The following LRMDA variants were observed in gnomAD, a reference collection of about 807,000 sequenced individuals.
LRMDA encodes leucine rich melanocyte differentiation associated, also known as leucine-rich melanocyte differentiation-associated protein.
Under a neutral mutation model 29.8 loss-of-function variants are expected in LRMDA, and 18 were observed. The observed-to-expected ratio is 0.60, with a 90% CI of 0.42 to 0.90. The LOEUF (loss-of-function observed/expected upper bound fraction) is 0.90. Ranked by LOEUF, LRMDA falls within the 40% of genes least tolerant of loss-of-function variation. The pLI is 0.00. For synonymous variants in LRMDA, 125 were observed against 109.4 expected (o/e 1.14, Z -0.89); for missense variants, 273 against 273.9 (o/e 1.00, Z 0.02).
intron 6 of LRMDA, among the ~76,000 whole-genome samples, chr10:76,549,748 C>T (rs1322406003): frequency 6.6e-6 from 1 of 152,118 alleles, no homozygotes; most frequent in Non-Finnish European, 1.5e-5. Context: ...AGCAACTAAT[C>T]CTGCACGTAA....
At chr10:75,497,617 C>T (rs1016343342) in intron 2 of LRMDA, among the ~76,000 whole-genome samples, 1 of 151,620 alleles carries the variant, frequency 6.6e-6, no homozygotes, top group Admixed American at 6.6e-5. Flanking sequence ...TTCCTGCTCC[C>T]TCCCCTCCAT....
intron 5 of LRMDA, among the ~76,000 whole-genome samples, chr10:76,153,639 G>A (rs1420605819): frequency 2.6e-5 from 4 of 152,150 alleles, no homozygotes; most frequent in African/African-American, 9.7e-5. Flanking sequence ...TTTTTTAAAT[G>A]TAATATTTAT....
At chr10:75,548,810 C>T (rs530653459) in intron 2 of LRMDA, among the ~76,000 whole-genome samples, 1 of 152,184 alleles carries the variant, frequency 6.6e-6, no homozygotes, top group South Asian at 2.1e-4. Context: ...GTAATGGAGC[C>T]AGGAGCTCAG....
rs373378351 is a variant in LRMDA at position 76,035,973 on chromosome 10, C to T, written c.132-35C>T. Reference sequence around the variant, plus strand: ...TCATAATGGCCTCCCTGATTTAGTGCAGGATCATTTTTCCTGTTGCCTTTG... The same window carrying T: ...TCATAATGGCCTCCCTGATTTAGTGTAGGATCATTTTTCCTGTTGCCTTTG... On this transcript the variant is annotated intron_variant, in intron 2 of 6. Transcript: ENST00000611255. 7 of 1,609,394 alleles carry T rather than the reference C, an allele frequency of 4.3e-6. No individual in the cohort carries two copies. The Admixed American group carries it at 8.4e-5, about 19-fold the overall frequency.
intron 2 of LRMDA, among the ~76,000 whole-genome samples, chr10:76,026,549 G>C (rs770101951): frequency 6.6e-6 from 1 of 152,186 alleles, no homozygotes; most frequent in Non-Finnish European, 1.5e-5. Context: ...CTTTCTATAA[G>C]AGGTCAGGGT....
At chr10:76,201,670 TG>T (rs1464404419) in intron 5 of LRMDA, among the ~76,000 whole-genome samples, 2 of 152,220 alleles carry the variant, frequency 1.3e-5, no homozygotes, top group Non-Finnish European at 2.9e-5. Flanking sequence ...GAGGATATTG[TG>T]GACTTAGTGT....
chr10:75,566,418 A>C (rs879672187), intron 2 of LRMDA, among the ~76,000 whole-genome samples: 2 of 152,202 alleles, frequency 1.3e-5, no homozygotes, highest in African/African-American at 4.8e-5. Context: ...GCCCCACCCC[A>C]GACCTACTGA....
intron 1 of LRMDA, among the ~76,000 whole-genome samples, chr10:75,434,330 G>T (rs566927244): frequency 6.6e-6 from 1 of 152,176 alleles, no homozygotes; most frequent in East Asian, 1.9e-4. Flanking sequence ...AAGTACAATA[G>T]GGACGATAAT....
intron 2 of LRMDA, among the ~76,000 whole-genome samples, chr10:75,718,214 C>T (rs953021633): frequency 6.6e-6 from 1 of 152,220 alleles, no homozygotes; most frequent in African/African-American, 2.4e-5. Flanking sequence ...TTATCATGCT[C>T]ACAGTTTGTG....
intron 2 of LRMDA, among the ~76,000 whole-genome samples, chr10:75,843,047 G>T (rs920675172): frequency 6.6e-6 from 1 of 152,160 alleles, no homozygotes; most frequent in Non-Finnish European, 1.5e-5. Context: ...ATAAGTAAAT[G>T]AAGAGGTGGA....
chr10:76,303,330 C>T (rs547389920), intron 5 of LRMDA, among the ~76,000 whole-genome samples: 54 of 150,990 alleles, frequency 3.6e-4, no homozygotes, highest in Non-Finnish European at 5.2e-4. Flanking sequence ...ACTTGCTTGG[C>T]AGAATGAACA....
At chr10:76,226,235 G>C (rs899732454) in intron 5 of LRMDA, among the ~76,000 whole-genome samples, 1 of 152,080 alleles carries the variant, frequency 6.6e-6, no homozygotes, top group African/African-American at 2.4e-5. Flanking sequence ...TTCTTCACAA[G>C]GCAGCAGGAG....
chr10:75,859,323 C>A (rs1359612245), intron 2 of LRMDA, among the ~76,000 whole-genome samples: 2 of 151,984 alleles, frequency 1.3e-5, no homozygotes, highest in Non-Finnish European at 2.9e-5. Flanking sequence ...CAGTACTCAC[C>A]CCTCCCGGTG....
At chr10:76,301,730 A>T (rs540191861) in intron 5 of LRMDA, among the ~76,000 whole-genome samples, 1 of 152,216 alleles carries the variant, frequency 6.6e-6, no homozygotes, top group Non-Finnish European at 1.5e-5. Flanking sequence ...GGCTGTTAAC[A>T]GTAGAAATAA....
rs1325196521 is a variant in LRMDA at position 75,950,002 on chromosome 10, G to A, written c.132-86006G>A. Among the ~76,000 whole-genome samples the A allele has an allele frequency of 3.3e-5, 5 of 152,166 alleles. No individual in the cohort carries two copies. In the East Asian group the frequency reaches 9.7e-4, roughly 29 times the overall value. On this transcript the variant is annotated intron_variant, in intron 2 of 6. Coordinates refer to ENST00000611255, the MANE Select transcript of LRMDA (RefSeq NM_001305581.2). ...TCTAGGTCCTTCCAGTTTTGCAGGA[G>A]AGGGTCTCTGGAATCACCTTGGTTC...
At chr10:76,355,748 G>T (rs971639543) in intron 6 of LRMDA, among the ~76,000 whole-genome samples, 4 of 152,176 alleles carry the variant, frequency 2.6e-5, no homozygotes, top group African/African-American at 9.7e-5. Flanking sequence ...AGTGTAAAGA[G>T]TTGCATGCAT....
chr10:76,489,137 C>G (rs1429029738), intron 6 of LRMDA, among the ~76,000 whole-genome samples: 7 of 151,916 alleles, frequency 4.6e-5, no homozygotes. Context: ...GTGAATCCAT[C>G]AGGTCCCAGG....
intron 6 of LRMDA, among the ~76,000 whole-genome samples, chr10:76,434,384 C>T (rs1842223897): frequency 6.6e-6 from 1 of 152,026 alleles, no homozygotes; most frequent in African/African-American, 2.4e-5. Context: ...TTCACTCCCT[C>T]TTTCTCTCCC....
rs142698236 is a variant in LRMDA at position 76,081,934 on chromosome 10, T to C, written c.516+23151T>C. Among the ~76,000 whole-genome samples, 272 of 152,344 alleles carry C rather than the reference T, an allele frequency of 1.8e-3. 1 individual carries two copies. The highest frequency in any genetic ancestry group is 6.2e-3 in the African/African-American group (256 of 41,580). On this transcript the variant is annotated intron_variant, in intron 5 of 6. Coordinates refer to ENST00000611255, the MANE Select transcript of LRMDA (RefSeq NM_001305581.2). ...GCTCACATTTAATAGACAATATCTC[T>C]TCTTAGTTTCAGATTTCGGTGCCAT... is the stretch of plus-strand genomic sequence containing the variant.
Sources: allele counts gnomAD v4.1 joint callset (sites outside exome capture counted in the v4.1 genomes callset), GRCh38; gene constraint gnomAD v4.1.1; transcripts MANE v1.5; gene names NCBI Gene and HGNC (gene_info 2026-07-23, HGNC 2026-07-21).